EYS: variants seen among roughly 807,000 people sequenced by gnomAD.
EYS encodes the protein protein eyes shut homolog.
Under a neutral mutation model 282.1 loss-of-function variants are expected in EYS, and 250 were observed. The observed-to-expected ratio is 0.89, with a 90% CI of 0.80 to 0.98. EYS has a LOEUF of 0.98. Ranked by LOEUF, EYS falls within the 50% of genes least tolerant of loss-of-function variation. The pLI, the probability that EYS is intolerant of heterozygous loss-of-function variation, is 0.00. For missense variants in EYS, 4,016 were observed against 3,709.0 expected (o/e 1.08, Z -2.15); for synonymous variants, 1,355 against 1,282.9 (o/e 1.06, Z -1.20).
At chr6:65,602,231 A>G (rs1765639262) in intron 2 of EYS, among the ~76,000 whole-genome samples, 1 of 151,924 alleles carries the variant, frequency 6.6e-6, no homozygotes, top group South Asian at 2.1e-4. Flanking sequence ...ACACAAAAGT[A>G]TGTCTACTAG....
intron 2 of EYS, among the ~76,000 whole-genome samples, chr6:65,533,635 T>C (rs1028578124): frequency 2.6e-5 from 4 of 152,112 alleles, no homozygotes; most frequent in Non-Finnish European, 4.4e-5. Context: ...TCTGTCCTAA[T>C]GAATAAGTGC....
intron 29 of EYS, among the ~76,000 whole-genome samples, chr6:64,374,689 C>T (rs1206154919): frequency 3.3e-5 from 5 of 152,298 alleles, no homozygotes; most frequent in Middle Eastern, 3.4e-3. Flanking sequence ...GTTTCCTCTA[C>T]GTGAGAGTGG....
chr6:63,722,149 C>G (rs762276771), intron 42 of EYS, among the ~76,000 whole-genome samples: 2 of 152,108 alleles, frequency 1.3e-5, no homozygotes, highest in African/African-American at 2.4e-5. Flanking sequence ...CCTATAAATT[C>G]TCTGCACATT....
chr6:65,457,984 A>C (rs967102673), intron 5 of EYS, among the ~76,000 whole-genome samples: 7 of 152,132 alleles, frequency 4.6e-5, no homozygotes, highest in African/African-American at 1.4e-4. Context: ...ATCCAGGGAG[A>C]ACCAGGGAGC....
At chr6:65,649,875 TAC>T (rs1767591080) in intron 1 of EYS, among the ~76,000 whole-genome samples, 1 of 152,176 alleles carries the variant, frequency 6.6e-6, no homozygotes. Flanking sequence ...ACATTTAATT[TAC>T]ATAGAAACAT....
chr6:63,990,612 C>T (rs530665770), intron 34 of EYS, among the ~76,000 whole-genome samples: 1 of 151,812 alleles, frequency 6.6e-6, no homozygotes, highest in South Asian at 2.1e-4. Context: ...TGCAATCATT[C>T]ACCACAGTCT....
At chr6:64,746,670 T>C (rs561003286) in intron 22 of EYS, among the ~76,000 whole-genome samples, 4 of 152,192 alleles carry the variant, frequency 2.6e-5, no homozygotes, top group Non-Finnish European at 1.5e-5. Flanking sequence ...CTCTTAAGCA[T>C]TTTGAATTGG....
At chr6:65,166,575 T>G (rs1363725846) in intron 12 of EYS, among the ~76,000 whole-genome samples, 1 of 151,158 alleles carries the variant, frequency 6.6e-6, no homozygotes, top group Non-Finnish European at 1.5e-5. Context: ...TTACTACAAA[T>G]GGACCAAATA....
At chr6:65,400,365 T>C (rs1766446589) in intron 7 of EYS, among the ~76,000 whole-genome samples, 1 of 151,930 alleles carries the variant, frequency 6.6e-6, no homozygotes, top group African/African-American at 2.4e-5. Flanking sequence ...TTTAAGAGAG[T>C]CACCAAAGTT....
intron 33 of EYS, among the ~76,000 whole-genome samples, chr6:64,010,771 C>A (rs779654656): frequency 5.5e-4 from 83 of 152,058 alleles, no homozygotes; most frequent in Admixed American, 1.2e-3. Flanking sequence ...CCGGAATCTT[C>A]GCTAAAAGGT....
At chr6:65,149,795 A>T (rs1764567670) in intron 12 of EYS, among the ~76,000 whole-genome samples, 1 of 152,066 alleles carries the variant, frequency 6.6e-6, no homozygotes, top group Non-Finnish European at 1.5e-5. Context: ...CTCAGTACCT[A>T]TTTATTGCAC....
chr6:63,913,159 A>G (rs1301292756), intron 35 of EYS, among the ~76,000 whole-genome samples: 1 of 152,160 alleles, frequency 6.6e-6, no homozygotes, highest in African/African-American at 2.4e-5. Flanking sequence ...CCAGAAAGCA[A>G]CTCTATGAGA....
chr6:65,642,850 C>T (rs1767325173), intron 1 of EYS, among the ~76,000 whole-genome samples: 1 of 152,266 alleles, frequency 6.6e-6, no homozygotes, highest in Non-Finnish European at 1.5e-5. Context: ...ATGGGAAACA[C>T]CTAGCCTCCA....
At chr6:64,107,285 T>A (rs865993079) in intron 31 of EYS, among the ~76,000 whole-genome samples, 132 of 101,376 alleles carry the variant, frequency 1.3e-3, no homozygotes, top group South Asian at 1.6e-3. Flanking sequence ...ATATATATAT[T>A]TATATATATA....
intron 5 of EYS, among the ~76,000 whole-genome samples, chr6:65,407,519 G>C (rs1342233242): frequency 6.6e-6 from 1 of 152,088 alleles, no homozygotes; most frequent in African/African-American, 2.4e-5. Context: ...CTCCCAAAGT[G>C]CTGGGATTAC....
intron 24 of EYS, among the ~76,000 whole-genome samples, chr6:64,615,221 G>T (rs1767236572): frequency 6.6e-6 from 1 of 151,878 alleles, no homozygotes. Context: ...TTATTCTTAA[G>T]ACTCTCTCAA....
intron 7 of EYS, among the ~76,000 whole-genome samples, chr6:65,396,452 A>T (rs756208204): frequency 4.6e-4 from 70 of 151,580 alleles, no homozygotes; most frequent in Non-Finnish European, 8.8e-4. Context: ...TCCCCATCAT[A>T]CTCTCTGTTG....
intron 2 of EYS, among the ~76,000 whole-genome samples, chr6:65,543,153 G>A (rs1768237279): frequency 1.3e-5 from 2 of 151,804 alleles, no homozygotes; most frequent in Non-Finnish European, 2.9e-5. Context: ...GGAGTAGCTG[G>A]GATTATAGGC....
chr6:64,106,377 A>G (rs891206358), intron 31 of EYS, among the ~76,000 whole-genome samples: 3 of 152,188 alleles, frequency 2.0e-5, no homozygotes, highest in Non-Finnish European at 2.9e-5. Context: ...TGCAGATACA[A>G]TAGAAAAAAT....
Sources: allele counts gnomAD v4.1 joint callset (sites outside exome capture counted in the v4.1 genomes callset), GRCh38; gene constraint gnomAD v4.1.1; transcripts MANE v1.5; gene names NCBI Gene and HGNC (gene_info 2026-07-23, HGNC 2026-07-21).